Variants in TMPRSS15 observed in about 807,000 individuals in gnomAD.
TMPRSS15 encodes the protein enteropeptidase.
A neutral mutation model predicts 125.3 loss-of-function variants in TMPRSS15; 128 were observed. The observed-to-expected ratio is 1.02, with a 90% confidence interval of 0.89 to 1.18. TMPRSS15 has a LOEUF of 1.18. TMPRSS15 is among the 50% of genes most tolerant of loss of function. The pLI is 0.00. For synonymous variants in TMPRSS15, 446 were observed against 423.2 expected (o/e 1.05, Z -0.66); for missense variants, 1,283 against 1,212.7 (o/e 1.06, Z -0.86).
intron 1 of TMPRSS15, among the ~76,000 whole-genome samples, chr21:18,484,679 G>T (rs1298379988): frequency 6.6e-6 from 1 of 151,794 alleles, no homozygotes; most frequent in East Asian, 1.9e-4. Flanking sequence ...TTATTAAAAA[G>T]AATTATCTTT....
At chr21:18,467,519 GAA>G (rs1016139875) in intron 1 of TMPRSS15, among the ~76,000 whole-genome samples, 2 of 151,928 alleles carry the variant, frequency 1.3e-5, no homozygotes, top group African/African-American at 4.8e-5. Context: ...ATACTGAGAA[GAA>G]AATAGCAGAT....
chr21:18,464,449 T>G (rs1978615724), intron 1 of TMPRSS15, among the ~76,000 whole-genome samples: 1 of 151,940 alleles, frequency 6.6e-6, no homozygotes, highest in Admixed American at 6.6e-5. Context: ...CGAGAAACCC[T>G]TCAAAAAAAT....
In TMPRSS15 at chr21:18,278,974, A is replaced by G. The variant is rs1418424882; in HGVS notation, c.2754T>C (p.Val918=). Residue 918 remains valine (V), a synonymous_variant, in exon 23 of 25, where the codon GTT becomes GTC. Transcript: ENST00000284885. Reference sequence around the variant, plus strand: ...AGTCTGATAATTTACCTTGATATACAACCGTCCCCCAACCAGCAATAGAAC... The same window carrying G: ...AGTCTGATAATTTACCTTGATATACGACCGTCCCCCAACCAGCAATAGAAC... The part of the protein sequence containing the change: ...RNCSIAGWGT[V]VYQGTTANIL... The G allele has an allele frequency of 1.3e-6, 2 of 1,531,330 alleles. No individual in the cohort carries two copies. The highest frequency in any genetic ancestry group is 1.5e-5 in the African/African-American group (1 of 67,218). 94.9% of individuals were successfully genotyped at this position (1,531,330 alleles called of 1,614,324 possible). A position where few individuals can be genotyped will look rare whatever the true frequency, so the allele number is the denominator to read the frequency against.
chr21:18,420,113 T>TA (rs1481810351), intron 1 of TMPRSS15, among the ~76,000 whole-genome samples: 1 of 152,222 alleles, frequency 6.6e-6, no homozygotes, highest in Non-Finnish European at 1.5e-5. Context: ...TCCTCAGCAC[T>TA]AGACTAGACA....
At chr21:18,411,778 T>A (rs187221035) in intron 1 of TMPRSS15, among the ~76,000 whole-genome samples, 1 of 152,222 alleles carries the variant, frequency 6.6e-6, no homozygotes, top group South Asian at 2.1e-4. Context: ...ATTTCCCTAA[T>A]CTACTTTTGT....
chr21:18,464,148 G>A (rs1409492210), intron 1 of TMPRSS15, among the ~76,000 whole-genome samples: 2 of 144,936 alleles, frequency 1.4e-5, no homozygotes, highest in Non-Finnish European at 3.0e-5. Flanking sequence ...ACTCCAGCCT[G>A]GGTGACAGAG....
At chr21:18,321,111 G>A (rs968108033) in intron 16 of TMPRSS15, among the ~76,000 whole-genome samples, 1 of 152,014 alleles carries the variant, frequency 6.6e-6, no homozygotes, top group African/African-American at 2.4e-5. Flanking sequence ...GAATTCCATC[G>A]TTAAGACTCT....
At chr21:18,440,102 C>T (rs1036539901) in intron 1 of TMPRSS15, among the ~76,000 whole-genome samples, 7 of 151,994 alleles carry the variant, frequency 4.6e-5, no homozygotes, top group African/African-American at 1.4e-4. Context: ...TGGCCGGGCG[C>T]GGTGGCTCAC....
intron 24 of TMPRSS15, among the ~76,000 whole-genome samples, chr21:18,273,936 G>A (rs181419505): frequency 2.2e-4 from 33 of 152,198 alleles, no homozygotes; most frequent in East Asian, 1.2e-3. Flanking sequence ...CTGAATAAGC[G>A]TCAATTTAGA....
rs144127412 is a variant in TMPRSS15 at position 18,413,306 on chromosome 21, CTTTCT to C, written c.11-14982_11-14978del. On this transcript the variant is annotated intron_variant, in intron 1 of 7. Coordinates refer to the TMPRSS15 transcript ENST00000422787. Reference sequence around the variant, plus strand: ...TTTCTTTCTTTCTTTTCTTTCTTTTCTTTCTTTTCCTTCCTTCCTTCCTTCCTTCC... The same window carrying C: ...TTTCTTTCTTTCTTTTCTTTCTTTTCTTTCCTTCCTTCCTTCCTTCCTTCC... Among the ~76,000 whole-genome samples the C allele has an allele frequency of 1.8e-3, 128 of 70,922 alleles. 1 individual carries two copies. The highest frequency in any genetic ancestry group is 7.6e-3 in the African/African-American group (126 of 16,480). 46.5% of individuals were successfully genotyped at this position (70,922 alleles called of 152,430 possible).
At position 18,343,951 on chromosome 21, in the gene TMPRSS15, A is replaced by G. The variant is rs1393004191; in HGVS notation, c.1277+4T>C. 1 of 1,613,542 alleles carries G rather than the reference A, an allele frequency of 6.2e-7. No homozygotes were observed. The highest frequency in any genetic ancestry group is 1.7e-5 in the Admixed American group (1 of 60,022). On this transcript the variant is annotated splice_donor_region_variant and intron_variant, in intron 11 of 24. Transcript: ENST00000284885. Reference sequence around the variant, plus strand: ...CAGCGTTTAAACAGGTGTCTACAACATACCAGAAACTAAGGCAAGCTGGCT... The same window carrying G: ...CAGCGTTTAAACAGGTGTCTACAACGTACCAGAAACTAAGGCAAGCTGGCT...
In TMPRSS15 at chr21:18,382,340, T is replaced by G. The variant is rs894525538; in HGVS notation, c.496+1287A>C. Among the ~76,000 whole-genome samples the G allele has an allele frequency of 2.0e-5, 3 of 152,242 alleles. No homozygotes were observed. In the South Asian group the frequency reaches 6.2e-4, roughly 32 times the overall value. On this transcript the variant is annotated intron_variant, in intron 4 of 24. Transcript: ENST00000284885. ...TGAATCAAAGATTTAAAATAGACAG[T>G]CTCTGCTCAAACAGCTGTGACATGC...
intron 16 of TMPRSS15, among the ~76,000 whole-genome samples, chr21:18,318,021 T>C (rs1407850222): frequency 6.6e-6 from 1 of 152,124 alleles, no homozygotes; most frequent in Non-Finnish European, 1.5e-5. Flanking sequence ...AACTGAAGTA[T>C]ACTGAAAATA....
chr21:18,472,556 G>T (rs889338379), intron 1 of TMPRSS15, among the ~76,000 whole-genome samples: 1 of 150,798 alleles, frequency 6.6e-6, no homozygotes, highest in African/African-American at 2.4e-5. Flanking sequence ...GATATTCAAA[G>T]AACTAGCTTA....
chr21:18,346,082 G>T (rs1310292714), intron 10 of TMPRSS15, among the ~76,000 whole-genome samples: 1 of 151,774 alleles, frequency 6.6e-6, no homozygotes, highest in Non-Finnish European at 1.5e-5. Flanking sequence ...GCATATTATT[G>T]AATATAGTAA....
At chr21:18,382,563 T>C (rs1458978102) in intron 4 of TMPRSS15, among the ~76,000 whole-genome samples, 1 of 152,226 alleles carries the variant, frequency 6.6e-6, no homozygotes, top group East Asian at 1.9e-4. Context: ...TTTTTATGTA[T>C]TTGATTTAGA....
chr21:18,270,763 TAGTAA>T lies in TMPRSS15; in HGVS notation c.2905-644_2905-640del, dbSNP rs537179958. 3.2e-3 allele frequency among the ~76,000 whole-genome samples: 491 copies of T among 152,310 alleles called. 2 individuals are homozygous for T. Among genetic ancestry groups the T allele is most frequent in the African/African-American group, 0.01 (435 of 41,568 alleles). ...TATGAATATTAATCACAGCAGATCC[TAGTAA>T]AGTAAATTTCATAGATTTTATTTGC... On this transcript the variant is annotated intron_variant, in intron 24 of 24. Transcript: ENST00000284885.
intron 18 of TMPRSS15, 29 bp from the exon 19 acceptor site, chr21:18,297,858 CA>C (rs748727985): frequency 6.6e-7 from 1 of 1,516,758 alleles, no homozygotes; most frequent in South Asian, 1.1e-5. Flanking sequence ...AGCATACAGA[CA>C]AAACAAAAGC....
chr21:18,365,627 T>TCTCA (rs2075723213), intron 6 of TMPRSS15, among the ~76,000 whole-genome samples: 1 of 3,192 alleles, frequency 3.1e-4, no homozygotes, highest in South Asian at 0.021. Flanking sequence ...TCTCTTTCTT[T>TCTCA]CTCTTTCTCT....
Sources: allele counts gnomAD v4.1 joint callset (sites outside exome capture counted in the v4.1 genomes callset), GRCh38; gene constraint gnomAD v4.1.1; transcripts MANE v1.5; gene names NCBI Gene and HGNC (gene_info 2026-07-23, HGNC 2026-07-21).